Variants in DPF1 observed in about 807,000 individuals in gnomAD.
DPF1 encodes the protein zinc finger protein neuro-d4.
Under a neutral mutation model 58.7 loss-of-function variants are expected in DPF1, and 14 were observed. That is an observed-to-expected ratio of 0.24 (90% confidence interval 0.16 to 0.37). DPF1 has a LOEUF of 0.37. Ranked by LOEUF, DPF1 falls within the 10% of genes least tolerant of loss-of-function variation. The probability of loss-of-function intolerance (pLI) is 1.00; values close to 1 mark genes in which losing one functional copy is unlikely to be tolerated. For synonymous variants in DPF1, 216 were observed against 216.0 expected (o/e 1.00, Z 0.00); for missense variants, 345 against 529.9 (o/e 0.65, Z 3.43).
intron 3 of DPF1, among the ~76,000 whole-genome samples, chr19:38,220,852 C>A (rs1359589250): frequency 6.6e-6 from 1 of 152,074 alleles, no homozygotes; most frequent in Admixed American, 6.6e-5. Context: ...TACACACAGA[C>A]CCTCGGACTC....
intron 9 of DPF1, 59 bp downstream of exon 9, chr19:38,216,081 C>G: frequency 2.6e-6 from 4 of 1,559,486 alleles, no homozygotes; most frequent in Non-Finnish European, 3.5e-6. Context: ...CCCTCCAGGT[C>G]TGCACTCCTG....
chr19:38,214,965 A>G (rs975549802), intron 9 of DPF1, among the ~76,000 whole-genome samples: 15 of 149,836 alleles, frequency 1.0e-4, no homozygotes, highest in African/African-American at 3.5e-4. Context: ...CCTCCGGAGT[A>G]GCTGGAACTA....
At chr19:38,224,332 G>T, upstream of DPF1, 2 of 1,236,146 alleles carry the variant, frequency 1.6e-6, no homozygotes, top group Non-Finnish European at 2.0e-6. This position sits in a 1 kb window ranked among gnomAD's most constrained non-coding sequence, Gnocchi z 4.5. Context: ...GGGGGCCCCC[G>T]GGACCCCGCG....
upstream of DPF1, among the ~76,000 whole-genome samples, chr19:38,226,993 TCTTC>T (rs71179424): frequency 0.073 from 5,256 of 71,622 alleles, 280 homozygotes; most frequent in African/African-American, 0.25. Context: ...CTTTTATTTC[TCTTC>T]CTTCCTTCCT....
At chr19:38,226,502 C>CCACACACACACACA (rs758283337), upstream of DPF1, among the ~76,000 whole-genome samples, 2,084 of 112,314 alleles carry the variant, frequency 0.019, 61 homozygotes, top group African/African-American at 0.058. Flanking sequence ...ACGGTCACTT[C>CCACACACACACACA]TACACACACA....
chr19:38,227,038 CTTT>C (rs1196943809), upstream of DPF1, among the ~76,000 whole-genome samples: 14 of 53,414 alleles, frequency 2.6e-4, no homozygotes, highest in East Asian at 2.4e-3. Context: ...TCCTTCCTTT[CTTT>C]CTTTCTTTCT....
upstream of DPF1, chr19:38,224,289 C>T: frequency 7.9e-7 from 1 of 1,263,150 alleles, no homozygotes. This position sits in a 1 kb window ranked among gnomAD's most constrained non-coding sequence, Gnocchi z 4.5. Flanking sequence ...GCGGGCCCGC[C>T]CGGGCCATGC....
chr19:38,212,452 G>A, intron 10 of DPF1, 91 bp from the exon 11 acceptor site: 1 of 594,998 alleles, frequency 1.7e-6, no homozygotes, highest in South Asian at 2.3e-5. Flanking sequence ...GGTCAAGGGG[G>A]CTGGGGGAGG....
upstream of DPF1, among the ~76,000 whole-genome samples, chr19:38,228,504 C>T (rs1233326765): frequency 6.7e-6 from 1 of 150,104 alleles, no homozygotes; most frequent in Non-Finnish European, 1.5e-5. Flanking sequence ...TTGTGCGACG[C>T]CGCGGGCGCT....
At chr19:38,214,257 C>G (rs1318785332) in intron 9 of DPF1, among the ~76,000 whole-genome samples, 1 of 152,210 alleles carries the variant, frequency 6.6e-6, no homozygotes, top group Non-Finnish European at 1.5e-5. Context: ...GGTGCCCCAG[C>G]AACAAAACTG....
rs1052571088 is a variant in DPF1 at position 38,222,819 on chromosome 19, A to C, written c.30-111T>G. 4.4e-6 allele frequency: 6 copies of C among 1,359,446 alleles called. No homozygotes were observed. The allele number at this position is 1,359,446 out of a possible 1,614,324, so 84.2% of individuals were successfully genotyped here. A position where few individuals can be genotyped will look rare whatever the true frequency, so the allele number is the denominator to read the frequency against. ...GCCCAGGCTCGGGAGGGGTGGGCCG[A>C]CCCCTCCAGCCTCACCTCTCCCCTC... On this transcript the variant is annotated intron_variant, in intron 1 of 11. Coordinates refer to ENST00000355526, the MANE Select transcript of DPF1 (RefSeq NM_001135155.3). The surrounding 1 kb of genome is among the most constrained non-coding windows in gnomAD (Gnocchi z 4.9).
intron 3 of DPF1, among the ~76,000 whole-genome samples, chr19:38,220,292 G>GAGAGAGAAAGAAAGAGAA (rs1967359014): frequency 1.4e-5 from 2 of 147,820 alleles, no homozygotes; most frequent in African/African-American, 5.1e-5. Context: ...GAAAAAGAGA[G>GAGAGAGAAAGAAAGAGAA]AGAGAGAAAG....
In DPF1 at chr19:38,218,554, G is replaced by A; in HGVS notation, c.516+19C>T. 2 of 1,612,994 alleles carry A rather than the reference G, an allele frequency of 1.2e-6. No homozygotes were observed. On this transcript the variant is annotated intron_variant, in intron 5 of 11. Transcript: ENST00000355526. ...TGTCATTGAGGGGAGCGGGGAAGAG[G>A]AGAAGCTTGGGGTGATACCTTTCCT...
chr19:38,224,710 G>C (rs1459854568), upstream of DPF1, among the ~76,000 whole-genome samples: 1 of 151,928 alleles, frequency 6.6e-6, no homozygotes, highest in Non-Finnish European at 1.5e-5. The surrounding 1 kb of genome is among the most constrained non-coding windows in gnomAD (Gnocchi z 4.5). Flanking sequence ...GTCTCTCCCA[G>C]CAGCCACGCT....
At chr19:38,217,404 C>G (rs1967105212) in intron 7 of DPF1, 56 bp downstream of exon 7, 28 of 498,446 alleles carry the variant, frequency 5.6e-5, no homozygotes, top group Middle Eastern at 7.7e-4. Context: ...CCCAGCTGGG[C>G]TCCTCTTCCC....
chr19:38,218,685 G>A (rs780236041), intron 4 of DPF1, 23 bp from the exon 5 acceptor site: 6 of 1,613,488 alleles, frequency 3.7e-6, no homozygotes, highest in Middle Eastern at 1.6e-4. Flanking sequence ...GAAAGGAGAC[G>A]GGTCAAGAAA....
intron 5 of DPF1, among the ~76,000 whole-genome samples, 187 bp from the exon 6 acceptor site, chr19:38,218,063 A>G (rs953969553): frequency 1.3e-5 from 2 of 152,084 alleles, no homozygotes; most frequent in Admixed American, 6.5e-5. Flanking sequence ...TTAGCTGGGC[A>G]TGGTGGCGCG....
At position 38,216,380 on chromosome 19, in the gene DPF1, C is replaced by G; in HGVS notation, c.751G>C (p.Val251Leu). The G allele has an allele frequency of 6.3e-7, 1 of 1,596,550 alleles. No individual in the cohort carries two copies. The highest frequency in any genetic ancestry group is 8.5e-7 in the Non-Finnish European group (1 of 1,170,718). ...HKQFYKELAW[V>L]PEAQRKHTAK... is the part of the protein sequence containing the mutation. ...GTGTGTTTCCTTTGTGCCTCAGGGA[C>G]CCAGGCCAATTCTTTGTAAAACTCT... The change falls in exon 8 of 12, where the codon GTC becomes CTC. Residue 251 changes from valine to leucine, a missense_variant. Physicochemically the swap from Val to Leu is conservative, Grantham distance 32. Transcript: ENST00000355526.
In DPF1 at chr19:38,224,025, C is replaced by G. The variant is rs1358171814; in HGVS notation, c.29+89G>C. 1 of 1,402,058 alleles carries G rather than the reference C, an allele frequency of 7.1e-7. No individual in the cohort carries two copies. Among genetic ancestry groups the G allele is most frequent in the Non-Finnish European group, 9.2e-7 (1 of 1,082,516 alleles). The allele number at this position is 1,402,058 out of a possible 1,614,324, so 86.9% of individuals were successfully genotyped here. A position where few individuals can be genotyped will look rare whatever the true frequency, so the allele number is the denominator to read the frequency against. ...ACTCGGTGACAGCCCCCCAGACACC[C>G]CTTCGGCCCCACCCCCGGTCGCCAC... On this transcript the variant is annotated intron_variant, in intron 1 of 11. Coordinates refer to ENST00000355526, the MANE Select transcript of DPF1 (RefSeq NM_001135155.3). This position sits in a 1 kb window ranked among gnomAD's most constrained non-coding sequence, Gnocchi z 4.5.
Sources: gnomAD v4.1 joint callset for allele counts (sites outside exome capture counted in the v4.1 genomes callset) on GRCh38, gnomAD v4.1.1 for gene constraint, Gnocchi (gnomAD v3.1) non-coding constraint, MANE v1.5 for transcripts, NCBI Gene and HGNC (gene_info 2026-07-23, HGNC 2026-07-21) for gene names.